PDSS2: variants seen among roughly 807,000 people sequenced by gnomAD.
The protein encoded by PDSS2 is decaprenyl diphosphate synthase subunit 2.
Under a neutral mutation model 44.5 loss-of-function variants are expected in PDSS2, and 31 were observed. That is an observed-to-expected ratio of 0.70 (90% confidence interval 0.52 to 0.94). PDSS2 has a LOEUF of 0.94. Among genes scored for constraint, PDSS2 ranks in the 40% least tolerant of loss-of-function variants. The pLI is 0.00. For missense variants in PDSS2, 452 were observed against 482.2 expected, an observed-to-expected ratio of 0.94 and a Z score of 0.59; for synonymous variants, 157 against 180.3, an observed-to-expected ratio of 0.87 and a Z score of 1.03.
intron 4 of PDSS2, among the ~76,000 whole-genome samples, chr6:107,215,808 T>C (rs893553488): frequency 2.0e-5 from 3 of 152,282 alleles, no homozygotes; most frequent in Middle Eastern, 3.4e-3. Context: ...TAGGATCTTT[T>C]CTTTCATTAT....
intron 3 of PDSS2, among the ~76,000 whole-genome samples, chr6:107,258,735 G>A (rs778370262): frequency 4.6e-5 from 7 of 152,100 alleles, no homozygotes; most frequent in African/African-American, 1.4e-4. Flanking sequence ...CCTTGGAGGC[G>A]GAGGTTGCAG....
chr6:107,171,514 CT>C (rs140571762), intron 7 of PDSS2, among the ~76,000 whole-genome samples: 3 of 150,962 alleles, frequency 2.0e-5, no homozygotes, highest in South Asian at 4.2e-4. Flanking sequence ...TTTTCAAGTT[CT>C]TTTTTTTTCT....
intron 7 of PDSS2, among the ~76,000 whole-genome samples, chr6:107,172,074 C>A (rs1771599058): frequency 6.6e-6 from 1 of 152,122 alleles, no homozygotes; most frequent in South Asian, 2.1e-4. Context: ...AGTGCAGTAT[C>A]ACCTGAAATA....
At chr6:107,227,841 G>A (rs769156304) in intron 4 of PDSS2, among the ~76,000 whole-genome samples, 4 of 152,200 alleles carry the variant, frequency 2.6e-5, no homozygotes, top group Non-Finnish European at 5.9e-5. Flanking sequence ...TAGATGTCCT[G>A]AGTCTGAGAT....
At chr6:107,435,959 T>G (rs1338738181) in intron 1 of PDSS2, among the ~76,000 whole-genome samples, 1 of 141,240 alleles carries the variant, frequency 7.1e-6, no homozygotes, top group African/African-American at 2.6e-5. Flanking sequence ...GAAAAAAAAA[T>G]GAAAGGTTTT....
intron 3 of PDSS2, among the ~76,000 whole-genome samples, chr6:107,266,744 T>C (rs949792042): frequency 6.6e-6 from 1 of 152,178 alleles, no homozygotes. Flanking sequence ...CTAAATCAAG[T>C]AGTGCTACTG....
intron 2 of PDSS2, among the ~76,000 whole-genome samples, chr6:107,277,983 AAAT>A (rs1775843252): frequency 7.5e-5 from 11 of 146,814 alleles, no homozygotes; most frequent in Middle Eastern, 3.4e-3. Context: ...TAAATAAAAT[AAAT>A]AAATAAATAA....
At position 107,345,182 on chromosome 6, in the gene PDSS2, A is replaced by G. The variant is rs146991468; in HGVS notation, c.297-10850T>C. Among the ~76,000 whole-genome samples, 466 of 152,052 alleles carry G rather than the reference A, an allele frequency of 3.1e-3. 2 individuals carry two copies. Among genetic ancestry groups the G allele is most frequent in the Non-Finnish European group, 4.6e-3 (316 of 67,996 alleles). On this transcript the variant is annotated intron_variant, in intron 1 of 7. Transcript: ENST00000369037. The stretch of plus-strand genomic sequence containing the variant: ...TCCCACTACCACAGCCCGTCTGTGC[A>G]GAGAATAAATCAACCGAATGTGAAT...
intron 1 of PDSS2, among the ~76,000 whole-genome samples, chr6:107,335,148 G>T (rs1161537800): frequency 5.2e-5 from 7 of 135,486 alleles, no homozygotes; most frequent in African/African-American, 1.7e-4. Context: ...GAGACGGATT[G>T]AGACTCTGTT....
chr6:107,188,246 G>A (rs1772244086), intron 7 of PDSS2, among the ~76,000 whole-genome samples: 2 of 152,092 alleles, frequency 1.3e-5, no homozygotes, highest in South Asian at 4.1e-4. Flanking sequence ...CGCATTGGTG[G>A]CTTGCACTTG....
At chr6:107,355,090 G>A (rs1163567329) in intron 1 of PDSS2, among the ~76,000 whole-genome samples, 2 of 151,968 alleles carry the variant, frequency 1.3e-5, no homozygotes, top group African/African-American at 4.8e-5. Flanking sequence ...GCGCCACCAC[G>A]CCCAGCTAAT....
chr6:107,289,339 C>G (rs1471078867), intron 2 of PDSS2, among the ~76,000 whole-genome samples: 3 of 149,358 alleles, frequency 2.0e-5, no homozygotes, highest in Admixed American at 6.7e-5. Context: ...TGCCACTGCA[C>G]TCCAGCCTGG....
Position 107,459,545 on chromosome 6 carries a change from G to A in PDSS2, c.-260C>T, listed in dbSNP as rs533844412. On this transcript the variant is annotated 5_prime_UTR_variant, in exon 1 of 8. Transcript: ENST00000369037. The surrounding 1 kb of genome is among the most constrained non-coding windows in gnomAD (Gnocchi z 4.3). ...AAACCACAGCCACTGCCTATGTGGA[G>A]GACGCCATATTGGAGGCATGGAATG... is the stretch of plus-strand genomic sequence containing the variant. 20 of 532,152 alleles carry A rather than the reference G, an allele frequency of 3.8e-5. 1 individual carries two copies. Among genetic ancestry groups the A allele is most frequent in the African/African-American group, 2.1e-4 (11 of 52,554 alleles). 33.0% of individuals were successfully genotyped at this position (532,152 alleles called of 1,614,324 possible).
chr6:107,211,477 A>G (rs1283412593), intron 5 of PDSS2, among the ~76,000 whole-genome samples: 1 of 152,060 alleles, frequency 6.6e-6, no homozygotes, highest in Non-Finnish European at 1.5e-5. Flanking sequence ...CACACCTGTA[A>G]TCCCAGCACT....
At chr6:107,294,160 C>T (rs1776433860) in intron 2 of PDSS2, among the ~76,000 whole-genome samples, 1 of 152,088 alleles carries the variant, frequency 6.6e-6, no homozygotes, top group Non-Finnish European at 1.5e-5. Context: ...TCACTTAGGC[C>T]ATCAAATGTG....
intron 1 of PDSS2, among the ~76,000 whole-genome samples, chr6:107,375,454 T>G (rs899161759): frequency 2.0e-5 from 3 of 152,240 alleles, no homozygotes; most frequent in Non-Finnish European, 4.4e-5. Flanking sequence ...CAAAGAACTT[T>G]ATGCCCATGC....
chr6:107,224,097 T>A (rs867209585), intron 4 of PDSS2, among the ~76,000 whole-genome samples: 1 of 151,132 alleles, frequency 6.6e-6, no homozygotes, highest in African/African-American at 2.5e-5. Flanking sequence ...CCCGAAACCA[T>A]CCCCATGCAT....
intron 1 of PDSS2, among the ~76,000 whole-genome samples, chr6:107,456,992 T>C (rs569546644): frequency 6.6e-6 from 1 of 152,240 alleles, no homozygotes; most frequent in African/African-American, 2.4e-5. Context: ...TCATTAAGCT[T>C]TAAACATATG....
At chr6:107,242,390 A>T (rs1207800806) in intron 4 of PDSS2, among the ~76,000 whole-genome samples, 1 of 151,334 alleles carries the variant, frequency 6.6e-6, no homozygotes, top group Non-Finnish European at 1.5e-5. Context: ...CAGCCTCCTG[A>T]GTAGCTGGGA....
Sources: gnomAD v4.1 joint callset for allele counts (sites outside exome capture counted in the v4.1 genomes callset) on GRCh38, gnomAD v4.1.1 for gene constraint, Gnocchi (gnomAD v3.1) non-coding constraint, MANE v1.5 for transcripts, NCBI Gene and HGNC (gene_info 2026-07-23, HGNC 2026-07-21) for gene names.